CFAP299: variants seen among roughly 807,000 people sequenced by gnomAD.
CFAP299 encodes cilia and flagella associated protein 299, also known as cilia- and flagella-associated protein 299.
Under a neutral mutation model 27.0 loss-of-function variants are expected in CFAP299, and 21 were observed. That is an observed-to-expected ratio of 0.78 (90% CI 0.55 to 1.12). CFAP299 has a LOEUF of 1.12. Among genes scored for constraint, CFAP299 ranks in the 50% most tolerant of loss-of-function variants. CFAP299 has a pLI of 0.00. For missense variants in CFAP299, 310 were observed against 276.6 expected (o/e 1.12, Z -0.86); for synonymous variants, 104 against 98.1 (o/e 1.06, Z -0.36).
At chr4:80,625,280 T>G (rs1260059204) in intron 3 of CFAP299, among the ~76,000 whole-genome samples, 1 of 152,096 alleles carries the variant, frequency 6.6e-6, no homozygotes, top group African/African-American at 2.4e-5. Context: ...TGTCTGTGTG[T>G]GTATGTGTGT....
chr4:80,690,634 C>A (rs1720603871), intron 3 of CFAP299, among the ~76,000 whole-genome samples: 1 of 152,124 alleles, frequency 6.6e-6, no homozygotes, highest in South Asian at 2.1e-4. Flanking sequence ...ATTAAAAGAA[C>A]TAGAAAAGCA....
chr4:80,841,307 C>A (rs1271614610), intron 3 of CFAP299, among the ~76,000 whole-genome samples: 1 of 152,084 alleles, frequency 6.6e-6, no homozygotes, highest in Non-Finnish European at 1.5e-5. Flanking sequence ...CCACTAAACT[C>A]CACCTATCTA....
intron 2 of CFAP299, among the ~76,000 whole-genome samples, chr4:80,437,781 G>A (rs1246554805): frequency 2.0e-5 from 3 of 152,162 alleles, no homozygotes; most frequent in African/African-American, 7.2e-5. Flanking sequence ...AACTGGTCCT[G>A]CCAAAGCGAT....
intron 4 of CFAP299, among the ~76,000 whole-genome samples, chr4:80,918,336 C>A (rs780118170): frequency 1.8e-4 from 27 of 152,108 alleles, no homozygotes; most frequent in Admixed American, 6.6e-4. Flanking sequence ...AATTTTCCTC[C>A]ACTGTAAATT....
chr4:80,652,904 G>A (rs1189442094), intron 3 of CFAP299, among the ~76,000 whole-genome samples: 1 of 152,050 alleles, frequency 6.6e-6, no homozygotes, highest in African/African-American at 2.4e-5. Flanking sequence ...ATGCCTTATT[G>A]CCCTGGAATT....
At chr4:80,590,225 A>G (rs909685559) in intron 3 of CFAP299, among the ~76,000 whole-genome samples, 3 of 152,226 alleles carry the variant, frequency 2.0e-5, no homozygotes, top group Non-Finnish European at 4.4e-5. Flanking sequence ...GTCACTGATG[A>G]ATTCGTTCCT....
At position 80,938,022 on chromosome 4, in the gene CFAP299, C is replaced by T. The variant is rs182116335; in HGVS notation, c.477-6788C>T. On this transcript the variant is annotated intron_variant, in intron 4 of 5. Coordinates refer to ENST00000358105, the MANE Select transcript of CFAP299 (RefSeq NM_152770.3). Reference sequence around the variant, plus strand: ...AAACAAATTCTACACTTTTACTTCTCCCTCTATTTTATGTAATTGATATCA... The same window carrying T: ...AAACAAATTCTACACTTTTACTTCTTCCTCTATTTTATGTAATTGATATCA... Among the ~76,000 whole-genome samples the T allele has an allele frequency of 4.1e-3, 622 of 152,248 alleles. 1 individual carries two copies. Among genetic ancestry groups the T allele is most frequent in the Middle Eastern group, 0.014 (4 of 294 alleles).
In CFAP299 at chr4:80,568,749, T is replaced by G. The variant is rs1258893906; in HGVS notation, c.243-14344T>G. 2.6e-5 allele frequency among the ~76,000 whole-genome samples: 4 copies of G among 152,134 alleles called. No individual in the cohort carries two copies. In the South Asian group the frequency reaches 8.3e-4, roughly 32 times the overall value. The stretch of plus-strand genomic sequence containing the variant: ...AGGAGATGATTTATGGAGCACATGA[T>G]TTTTGAGTCTTGTATAGACGTTTTT... On this transcript the variant is annotated intron_variant, in intron 2 of 5. Coordinates refer to ENST00000358105, the MANE Select transcript of CFAP299 (RefSeq NM_152770.3).
chr4:80,955,958 T>A (rs1370686453), intron 5 of CFAP299, among the ~76,000 whole-genome samples: 1 of 152,126 alleles, frequency 6.6e-6, no homozygotes, highest in Non-Finnish European at 1.5e-5. Flanking sequence ...TGAGATAGAT[T>A]GTGCCACTAC....
intron 2 of CFAP299, among the ~76,000 whole-genome samples, chr4:80,509,877 G>C (rs1287548805): frequency 1.4e-5 from 2 of 146,944 alleles, no homozygotes; most frequent in African/African-American, 5.0e-5. Flanking sequence ...TTTTTTTTCT[G>C]GCAGGTTGCA....
intron 2 of CFAP299, among the ~76,000 whole-genome samples, chr4:80,375,557 C>G (rs181159187): frequency 6.6e-6 from 1 of 152,178 alleles, no homozygotes; most frequent in Admixed American, 6.5e-5. Context: ...TCAGGCTGAT[C>G]CACATGCAGT....
At chr4:80,455,185 C>A (rs1729085657) in intron 2 of CFAP299, among the ~76,000 whole-genome samples, 1 of 152,124 alleles carries the variant, frequency 6.6e-6, no homozygotes, top group South Asian at 2.1e-4. Flanking sequence ...CAGTCTGGTC[C>A]CCAGGCAAGA....
At chr4:80,409,709 T>C (rs1411451507) in intron 2 of CFAP299, among the ~76,000 whole-genome samples, 2 of 152,204 alleles carry the variant, frequency 1.3e-5, no homozygotes, top group Non-Finnish European at 2.9e-5. Context: ...TTGATCCTTA[T>C]TGACAGGAAT....
intron 2 of CFAP299, among the ~76,000 whole-genome samples, chr4:80,473,681 C>T (rs1459303935): frequency 2.6e-5 from 4 of 152,142 alleles, no homozygotes; most frequent in African/African-American, 9.7e-5. Context: ...AGCCTTCTTC[C>T]CGCCTCAGCT....
At chr4:80,855,041 A>G (rs1385129748) in intron 3 of CFAP299, among the ~76,000 whole-genome samples, 1 of 152,132 alleles carries the variant, frequency 6.6e-6, no homozygotes, top group Non-Finnish European at 1.5e-5. Flanking sequence ...GACTCCAAAG[A>G]GCCGAAAGGA....
At chr4:80,955,696 A>G (rs1485182524) in intron 5 of CFAP299, among the ~76,000 whole-genome samples, 2 of 152,194 alleles carry the variant, frequency 1.3e-5, no homozygotes, top group Non-Finnish European at 1.5e-5. Context: ...AAGTGAAAAA[A>G]GCAAATTGAA....
intron 3 of CFAP299, among the ~76,000 whole-genome samples, chr4:80,773,166 C>T (rs751822747): frequency 9.9e-5 from 15 of 152,022 alleles, no homozygotes; most frequent in Non-Finnish European, 7.4e-5. Flanking sequence ...AATGATGTAA[C>T]CACAGAATTG....
At chr4:80,782,220 C>A (rs1726920322) in intron 3 of CFAP299, among the ~76,000 whole-genome samples, 2 of 151,752 alleles carry the variant, frequency 1.3e-5, no homozygotes, top group Admixed American at 1.3e-4. Flanking sequence ...AGATTGGAAC[C>A]TAAAAGATGT....
chr4:80,911,069 C>G lies in CFAP299; in HGVS notation c.477-33741C>G, dbSNP rs58591534. On this transcript the variant is annotated intron_variant, in intron 4 of 5. Transcript: ENST00000358105. ...TACCATTTTATTCTTAAAATAAGTA[C>G]TTATATTTTAATGTATGCAGAGCCT... Among the ~76,000 whole-genome samples the G allele has an allele frequency of 3.6e-3, 553 of 152,094 alleles. 2 individuals are homozygous for G. Among genetic ancestry groups the G allele is most frequent in the African/African-American group, 0.012 (519 of 41,534 alleles).
Sources: allele counts gnomAD v4.1 joint callset (sites outside exome capture counted in the v4.1 genomes callset), GRCh38; gene constraint gnomAD v4.1.1; transcripts MANE v1.5; gene names NCBI Gene and HGNC (gene_info 2026-07-23, HGNC 2026-07-21).